Variants in HS6ST2 observed in about 807,000 individuals in gnomAD.
HS6ST2 encodes heparan sulfate 6-O-sulfotransferase 2.
In HS6ST2, 17 loss-of-function variants were observed where a neutral mutation model predicts 33.0. That is an observed-to-expected ratio of 0.52 (90% CI 0.35 to 0.77). HS6ST2 has a LOEUF of 0.77. Among genes scored for constraint, HS6ST2 ranks in the 30% least tolerant of loss-of-function variants. The pLI, the probability that HS6ST2 is intolerant of heterozygous loss-of-function variation, is 0.01. For missense variants in HS6ST2, 519 were observed against 551.7 expected, an observed-to-expected ratio of 0.94 and a Z score of 0.59; for synonymous variants, 248 against 237.1, an observed-to-expected ratio of 1.05 and a Z score of -0.42.
At chrX:132,830,107 G>T (rs750325795) in intron 2 of HS6ST2, among the ~76,000 whole-genome samples, 2 of 111,749 alleles carry the variant, frequency 1.8e-5, no homozygotes, top group East Asian at 5.6e-4. Context: ...GAACCCAAAG[G>T]TTTCTGGATG....
chrX:132,637,968 T>TTATATATAATATATATAAAATATTTTA (rs2063574832), intron 4 of HS6ST2, among the ~76,000 whole-genome samples: 1 of 75,695 alleles, frequency 1.3e-5, no homozygotes, highest in African/African-American at 5.0e-5. Context: ...ATAAAATATT[T>TTATATATAATATATATAAAATATTTTA]TATATATATA....
chrX:132,638,342 T>G (rs1177755051), intron 4 of HS6ST2, among the ~76,000 whole-genome samples: 1 of 111,341 alleles, frequency 9.0e-6, no homozygotes, highest in Non-Finnish European at 1.9e-5. Flanking sequence ...GCTTTTCTTG[T>G]GTAGCTCATA....
intron 2 of HS6ST2, among the ~76,000 whole-genome samples, chrX:132,843,284 C>T (rs2065723027): frequency 8.9e-6 from 1 of 112,279 alleles, no homozygotes; most frequent in African/African-American, 3.2e-5. Flanking sequence ...AAATAAACCA[C>T]TTATGTATTT....
At chrX:132,772,622 A>G (rs1331622439) in intron 2 of HS6ST2, among the ~76,000 whole-genome samples, 1 of 101,660 alleles carries the variant, frequency 9.8e-6, no homozygotes, top group East Asian at 3.0e-4. Context: ...AAATAATTGT[A>G]TTCTATATAA....
chrX:132,631,715 C>T (rs1239168225), intron 4 of HS6ST2, among the ~76,000 whole-genome samples: 1 of 111,767 alleles, frequency 8.9e-6, no homozygotes, highest in African/African-American at 3.3e-5. Context: ...TCTAACCCCC[C>T]AAAATGGAGT....
At chrX:132,890,498 G>A (rs1406604623) in intron 2 of HS6ST2, among the ~76,000 whole-genome samples, 1 of 108,388 alleles carries the variant, frequency 9.2e-6, no homozygotes, top group Non-Finnish European at 1.9e-5. Context: ...TTAAAGGTAG[G>A]CTTCTATGGC....
At position 132,883,529 on chromosome X, in the gene HS6ST2, A is replaced by G. The variant is rs757306710; in HGVS notation, c.947+73279T>C. On this transcript the variant is annotated intron_variant, in intron 2 of 4. Transcript: ENST00000370833. Reference sequence around the variant, plus strand: ...AACAGCTTTTTATTGAGTGCCTAACATATGTCAAGCATATATTGTACAGAG... The same window carrying G: ...AACAGCTTTTTATTGAGTGCCTAACGTATGTCAAGCATATATTGTACAGAG... Among the ~76,000 whole-genome samples, 21 of 111,507 alleles carry G rather than the reference A, an allele frequency of 1.9e-4. No individual in the cohort carries two copies. The South Asian group carries it at 6.4e-3, about 34-fold the overall frequency.
At chrX:132,937,134 A>G (rs190071270) in intron 2 of HS6ST2, among the ~76,000 whole-genome samples, 2 of 111,789 alleles carry the variant, frequency 1.8e-5, no homozygotes, top group Admixed American at 1.9e-4. Flanking sequence ...AAATAAAATA[A>G]CAAGGAATAA....
chrX:132,863,352 C>T (rs1283663385), intron 2 of HS6ST2, among the ~76,000 whole-genome samples: 4 of 111,551 alleles, frequency 3.6e-5, no homozygotes, highest in Non-Finnish European at 5.6e-5. Context: ...CAGAGTCTCA[C>T]GCTGTTGCCC....
intron 2 of HS6ST2, among the ~76,000 whole-genome samples, chrX:132,738,830 A>G (rs1285933369): frequency 8.9e-6 from 1 of 111,818 alleles, no homozygotes; most frequent in African/African-American, 3.3e-5. Flanking sequence ...GGTCTAAGAG[A>G]CGATGTATGA....
rs746875997 is a variant in HS6ST2, at chrX:132,941,267, GCT to G, written c.947+15539_947+15540del. On this transcript the variant is annotated intron_variant, in intron 2 of 4. Transcript: ENST00000370833. The stretch of plus-strand genomic sequence containing the variant: ...AGGCAAGGTGGCTGCAACACAAGAT[GCT>G]CTAACTGAGATGAGCTGAGCTAATC... 5.4e-5 allele frequency among the ~76,000 whole-genome samples: 6 copies of G among 111,609 alleles called. No individual in the cohort carries two copies. The East Asian group carries it at 1.7e-3, about 32-fold the overall frequency.
intron 2 of HS6ST2, among the ~76,000 whole-genome samples, chrX:132,791,823 A>G (rs1303855631): frequency 1.8e-5 from 2 of 110,306 alleles, no homozygotes; most frequent in Non-Finnish European, 3.8e-5. Context: ...AAAAAAAAAA[A>G]AATCAAACAA....
chrX:132,669,520 T>C (rs2063843707), intron 3 of HS6ST2: 1 of 161,330 alleles, frequency 6.2e-6, no homozygotes, highest in African/African-American at 3.1e-5. Context: ...AAAAAAAAAG[T>C]ATAAAAATAA....
At chrX:132,652,117 C>G (rs1050047415) in intron 4 of HS6ST2, among the ~76,000 whole-genome samples, 1 of 111,793 alleles carries the variant, frequency 8.9e-6, no homozygotes. Context: ...AGGAAGCAAG[C>G]CTTTTGGAGG....
intron 4 of HS6ST2, among the ~76,000 whole-genome samples, chrX:132,649,524 C>T (rs2063672838): frequency 8.9e-6 from 1 of 112,008 alleles, no homozygotes; most frequent in Admixed American, 9.5e-5. Flanking sequence ...ATGTGTCTTG[C>T]ACCATGCTAA....
chrX:132,907,371 G>C (rs2066485099), intron 2 of HS6ST2: 1 of 139,985 alleles, frequency 7.1e-6, no homozygotes, highest in Non-Finnish European at 1.5e-5. Context: ...TGGCATAACG[G>C]TGCCATTCTT....
intron 2 of HS6ST2, among the ~76,000 whole-genome samples, chrX:132,879,383 T>G (rs1442642334): frequency 8.9e-6 from 1 of 112,055 alleles, no homozygotes; most frequent in Non-Finnish European, 1.9e-5. Context: ...TGTTCTAAAC[T>G]GTAACCCATT....
intron 2 of HS6ST2, among the ~76,000 whole-genome samples, chrX:132,824,605 G>A (rs1278690799): frequency 8.9e-6 from 1 of 112,243 alleles, no homozygotes; most frequent in Non-Finnish European, 1.9e-5. Context: ...CCTGCCAGAA[G>A]GCCTGGCCTC....
chrX:132,698,295 C>G (rs1387880393), intron 3 of HS6ST2, among the ~76,000 whole-genome samples: 1 of 112,288 alleles, frequency 8.9e-6, no homozygotes, highest in Admixed American at 9.4e-5. Flanking sequence ...TCACATGTTA[C>G]TGCTGTACTA....
Sources: gnomAD v4.1 joint callset for allele counts (sites outside exome capture counted in the v4.1 genomes callset) on GRCh38, gnomAD v4.1.1 for gene constraint, MANE v1.5 for transcripts, NCBI Gene and HGNC (gene_info 2026-07-23, HGNC 2026-07-21) for gene names.